MPP4: variants seen among roughly 807,000 people sequenced by gnomAD.
The protein encoded by MPP4 is MAGUK p55 scaffold protein 4.
MPP4 carries 91 observed loss-of-function variants against 98.3 expected under a neutral mutation model. That is an observed-to-expected ratio of 0.93 (90% confidence interval 0.78 to 1.10). The LOEUF is 1.10. MPP4 is among the 50% of genes least tolerant of loss of function. MPP4 has a pLI of 0.00. For missense variants in MPP4, 744 were observed against 792.9 expected (o/e 0.94, Z 0.74); for synonymous variants, 261 against 271.8 (o/e 0.96, Z 0.39).
In MPP4 at chr2:201,656,254, T is replaced by C. The variant is rs1338940550; in HGVS notation, c.1244A>G (p.Glu415Gly). ...AGGGCGTCGCTGGTACCTCACCACC[T>C]CCTCGTAAGGGGCACCCACTGCACT... ...CYSAVGAPYEEVVRYQRRPSD... is the reference protein window; with the variant it reads ...CYSAVGAPYEGVVRYQRRPSD... Residue 415 changes from glutamate to glycine, a missense_variant, in exon 17 of 22, where the codon GAG becomes GGG. Transcript: ENST00000409474. 16 of 1,601,378 alleles carry C rather than the reference T, an allele frequency of 1.0e-5. No homozygotes were observed. The highest frequency in any genetic ancestry group is 1.1e-5 in the Non-Finnish European group (13 of 1,174,048).
rs191935519 is a variant in MPP4 at position 201,697,904 on chromosome 2, C to T, written c.-101+683G>A. 1,740 of 980,188 alleles carry T rather than the reference C, an allele frequency of 1.8e-3. 24 individuals are homozygous for T. In the African/African-American group the frequency reaches 0.031, roughly 17 times the overall value. The allele number at this position is 980,188 out of a possible 1,614,324, so 60.7% of individuals were successfully genotyped here. A position where few individuals can be genotyped will look rare whatever the true frequency, so the allele number is the denominator to read the frequency against. ...CCTTAGTCCTGAAAGATGCTGATGCCTGGCATGATGCCTGGCAAAAGACTT... is the reference window on the plus strand; with the variant it reads ...CCTTAGTCCTGAAAGATGCTGATGCTTGGCATGATGCCTGGCAAAAGACTT... On this transcript the variant is annotated intron_variant, in intron 1 of 21. Coordinates refer to ENST00000409474, the MANE Select transcript of MPP4 (RefSeq NM_033066.3).
At chr2:201,664,241 C>G in intron 13 of MPP4, 140 bp from the exon 14 acceptor site, 1 of 1,487,974 alleles carries the variant, frequency 6.7e-7, no homozygotes. Flanking sequence ...AAATCAAGGT[C>G]GAATCGATGG....
At position 201,656,126 on chromosome 2, in the gene MPP4, CA is replaced by C; in HGVS notation, c.1300+71del. On this transcript the variant is annotated intron_variant, in intron 17 of 21. Transcript: ENST00000409474. Reference sequence around the variant, plus strand: ...AGAGTTCTACTTTCACCATTATTCCCAATGCAAGACACCTGAATCTAGAAGG... The same window carrying C: ...AGAGTTCTACTTTCACCATTATTCCCATGCAAGACACCTGAATCTAGAAGG... The C allele has an allele frequency of 3.5e-6, 5 of 1,446,330 alleles. No homozygotes were observed. In the South Asian group the frequency reaches 7.4e-5, roughly 21 times the overall value. 89.6% of individuals were successfully genotyped at this position (1,446,330 alleles called of 1,614,324 possible).
At chr2:201,660,447 G>T in intron 14 of MPP4, 101 bp from the exon 15 acceptor site, 1 of 1,266,160 alleles carries the variant, frequency 7.9e-7, no homozygotes, top group Non-Finnish European at 1.2e-6. Flanking sequence ...AGCAAGACGT[G>T]CACGTCACCA....
intron 21 of MPP4, among the ~76,000 whole-genome samples, chr2:201,645,834 A>G (rs1574592613): frequency 1.3e-5 from 2 of 152,204 alleles, no homozygotes; most frequent in African/African-American, 4.8e-5. Context: ...TAGAGAAAAT[A>G]TAATTATTAT....
intron 10 of MPP4, among the ~76,000 whole-genome samples, chr2:201,679,743 T>G (rs924112491): frequency 6.6e-6 from 1 of 152,200 alleles, no homozygotes; most frequent in Non-Finnish European, 1.5e-5. Flanking sequence ...ATCTAAAAAT[T>G]TCGCTCACAC....
chr2:201,658,166 T>G (rs1040183706), intron 16 of MPP4, among the ~76,000 whole-genome samples: 2 of 152,206 alleles, frequency 1.3e-5, no homozygotes, highest in Admixed American at 1.3e-4. Context: ...CCATAAGAAG[T>G]AAGTTTAAAA....
chr2:201,685,901 A>T lies in MPP4; in HGVS notation c.492+18T>A. The T allele has an allele frequency of 6.2e-7, 1 of 1,606,906 alleles. No homozygotes were observed. ...CTAAGCTTACCCTAAATGGAAAGAT[A>T]AAAAATGATTTCCTTACCAGGGGCT... On this transcript the variant is annotated intron_variant, in intron 6 of 21. Transcript: ENST00000409474.
At chr2:201,650,581 A>C (rs773047580) in intron 18 of MPP4, 72 of 985,288 alleles carry the variant, frequency 7.3e-5, no homozygotes, top group Non-Finnish European at 8.7e-5. Flanking sequence ...CCTTAGGTAA[A>C]CTGTTAATAT....
intron 1 of MPP4, among the ~76,000 whole-genome samples, chr2:201,695,554 T>C (rs1312998884): frequency 6.6e-6 from 1 of 152,284 alleles, no homozygotes; most frequent in East Asian, 1.9e-4. Flanking sequence ...TAATAGGTTG[T>C]CATCAAGAAG....
intron 10 of MPP4, 158 bp downstream of exon 10, chr2:201,680,680 T>G: frequency 1.6e-6 from 1 of 632,610 alleles, no homozygotes; most frequent in South Asian, 2.4e-5. Context: ...TGCTTAGGGT[T>G]TATCGATAAG....
chr2:201,660,599 C>CT lies in MPP4; in HGVS notation c.1073-254dup, dbSNP rs540442637. On this transcript the variant is annotated intron_variant, in intron 14 of 21. Coordinates refer to ENST00000409474, the MANE Select transcript of MPP4 (RefSeq NM_033066.3). Reference sequence around the variant, plus strand: ...TGCCTATCAAGACTCTCCCTGAAGGCTTTTTAACTCAGGAAGACTCTACTT... The same window carrying CT: ...TGCCTATCAAGACTCTCCCTGAAGGCTTTTTTAACTCAGGAAGACTCTACTT... Among the ~76,000 whole-genome samples the CT allele has an allele frequency of 6.2e-4, 95 of 152,242 alleles. 2 individuals carry two copies. In the South Asian group the frequency reaches 0.014, roughly 23 times the overall value.
intron 1 of MPP4, chr2:201,698,091 A>C (rs913882603): frequency 1.0e-6 from 1 of 989,858 alleles, no homozygotes; most frequent in Non-Finnish European, 1.2e-6. Context: ...TTCTTGACTC[A>C]GAAGATGCAT....
chr2:201,693,259 C>T (rs1689090135), intron 2 of MPP4, among the ~76,000 whole-genome samples: 1 of 152,158 alleles, frequency 6.6e-6, no homozygotes, highest in South Asian at 2.1e-4. Context: ...AAGGTGCTAG[C>T]TTTGTCATAG....
chr2:201,667,057 G>A (rs895705962), intron 12 of MPP4, among the ~76,000 whole-genome samples: 6 of 152,166 alleles, frequency 3.9e-5, no homozygotes, highest in Admixed American at 3.9e-4. Context: ...GGCTAGGATT[G>A]AGAAAATGCA....
rs574083611 is a variant in MPP4, at chr2:201,655,549, C to A, written c.1301-632G>T. On this transcript the variant is annotated intron_variant, in intron 17 of 21. Transcript: ENST00000409474. ...GGGGCCTGCAAATGATATTGCTGGT[C>A]CCAGCTGTAAGGCACATCGTTCTGC... Among the ~76,000 whole-genome samples the A allele has an allele frequency of 1.5e-4, 23 of 152,254 alleles. No individual in the cohort carries two copies. In the South Asian group the frequency reaches 4.8e-3, roughly 32 times the overall value.
chr2:201,656,304 A>G lies in MPP4; in HGVS notation c.1194T>C (p.Ser398=), dbSNP rs1458435231. The change falls in exon 17 of 22, where the codon AGT becomes AGC. Residue 398 remains serine, a synonymous_variant. Coordinates refer to ENST00000409474, the MANE Select transcript of MPP4 (RefSeq NM_033066.3). ...TGTAGCAGCTGCCGGTGCAGCACAC[A>G]CTGGCATGCAGCGGGCTGAGGTGAG... The part of the protein sequence containing the change: ...RKSHLSPLHA[S]VCCTGSCYSA... 1.3e-6 allele frequency: 2 copies of G among 1,571,684 alleles called. No individual in the cohort carries two copies. The highest frequency in any genetic ancestry group is 1.9e-5 in the Admixed American group (1 of 53,384).
intron 4 of MPP4, 86 bp from the exon 5 acceptor site, chr2:201,687,457 A>AT: frequency 1.0e-6 from 1 of 966,714 alleles, no homozygotes; most frequent in South Asian, 1.5e-5. Context: ...TAACATACAT[A>AT]CTAACATGAT....
At chr2:201,659,827 T>C (rs1299828669) in intron 15 of MPP4, among the ~76,000 whole-genome samples, 1 of 152,156 alleles carries the variant, frequency 6.6e-6, no homozygotes, top group Non-Finnish European at 1.5e-5. Context: ...GAGAGAGACT[T>C]CGTCTCAAAT....
Sources: allele counts gnomAD v4.1 joint callset (sites outside exome capture counted in the v4.1 genomes callset), GRCh38; gene constraint gnomAD v4.1.1; transcripts MANE v1.5; gene names NCBI Gene and HGNC (gene_info 2026-07-23, HGNC 2026-07-21).